MGAT4A: variants seen among roughly 807,000 people sequenced by gnomAD.
MGAT4A encodes the protein N-acetylglucosaminyltransferase IVa.
A neutral mutation model predicts 74.1 loss-of-function variants in MGAT4A; 33 were observed. That is an observed-to-expected ratio of 0.45 (90% CI 0.34 to 0.60). The LOEUF (loss-of-function observed/expected upper bound fraction) is 0.60, where lower values mean the gene tolerates loss of function less well. Ranked by LOEUF, MGAT4A falls within the 20% of genes least tolerant of loss-of-function variation. The probability of loss-of-function intolerance (pLI) is 0.02; values close to 1 mark genes in which losing one functional copy is unlikely to be tolerated. For synonymous variants in MGAT4A, 198 were observed against 210.4 expected (o/e 0.94, Z 0.51); for missense variants, 479 against 628.3 (o/e 0.76, Z 2.54).
Position 98,621,321 on chromosome 2 carries a change from T to G in MGAT4A, c.*4245A>C, listed in dbSNP as rs1701057428. 2 of 1,455,486 alleles carry G rather than the reference T, an allele frequency of 1.4e-6. No homozygotes were observed. Among genetic ancestry groups the G allele is most frequent in the South Asian group, 2.8e-5 (2 of 70,656 alleles). The allele number at this position is 1,455,486 out of a possible 1,614,324, so 90.2% of individuals were successfully genotyped here. ...CTATGAATGAGCTTATGGGCTGAAT[T>G]CAGTTCCCGTGGCTGTAGGACTGCA... On this transcript the variant is annotated 3_prime_UTR_variant, in exon 16 of 16. Coordinates refer to ENST00000393487, the MANE Select transcript of MGAT4A (RefSeq NM_012214.3).
intron 3 of MGAT4A, among the ~76,000 whole-genome samples, chr2:98,677,308 G>A (rs1369623304): frequency 6.6e-6 from 1 of 152,172 alleles, no homozygotes; most frequent in Admixed American, 6.5e-5. Flanking sequence ...TTTCTCCAGA[G>A]TCCATCTGAA....
At chr2:98,642,680 A>G (rs1433912671) in intron 10 of MGAT4A, among the ~76,000 whole-genome samples, 1 of 152,242 alleles carries the variant, frequency 6.6e-6, no homozygotes, top group Non-Finnish European at 1.5e-5. Context: ...GTGTCCTACA[A>G]TAAAAATTTC....
intron 1 of MGAT4A, among the ~76,000 whole-genome samples, chr2:98,727,040 G>A (rs1702774849): frequency 6.6e-6 from 1 of 152,118 alleles, no homozygotes; most frequent in African/African-American, 2.4e-5. Flanking sequence ...ACATGATTTG[G>A]GGCATGCCAC....
At position 98,623,752 on chromosome 2, in the gene MGAT4A, G is replaced by A. The variant is rs140558935; in HGVS notation, c.*1814C>T. 31 of 985,386 alleles carry A rather than the reference G, an allele frequency of 3.1e-5. No homozygotes were observed. In the African/African-American group the frequency reaches 5.2e-4, roughly 17 times the overall value. 61.0% of individuals were successfully genotyped at this position (985,386 alleles called of 1,614,324 possible). A position where few individuals can be genotyped will look rare whatever the true frequency, so the allele number is the denominator to read the frequency against. On this transcript the variant is annotated 3_prime_UTR_variant, in exon 16 of 16. Transcript: ENST00000393487. Reference sequence around the variant, plus strand: ...ATGGAAATAATTGTACTGTATCAGTGTTTCCAAACGTTTGCACTTTGTAAC... The same window carrying A: ...ATGGAAATAATTGTACTGTATCAGTATTTCCAAACGTTTGCACTTTGTAAC...
intron 2 of MGAT4A, among the ~76,000 whole-genome samples, chr2:98,709,576 G>C (rs1702487557): frequency 6.6e-6 from 1 of 152,166 alleles, no homozygotes; most frequent in Admixed American, 6.5e-5. Flanking sequence ...CCCAGTAGAA[G>C]GGAAAAACCT....
At chr2:98,721,629 C>A (rs190932910) in intron 2 of MGAT4A, among the ~76,000 whole-genome samples, 18 of 151,962 alleles carry the variant, frequency 1.2e-4, no homozygotes, top group Admixed American at 9.8e-4. Flanking sequence ...TACAACAATA[C>A]CCCCCAAAAG....
chr2:98,693,679 CAA>C (rs202080554), intron 2 of MGAT4A, among the ~76,000 whole-genome samples: 87 of 101,422 alleles, frequency 8.6e-4, no homozygotes, highest in Non-Finnish European at 7.8e-4. Context: ...GAGCTTCTCT[CAA>C]AAAAAAAAAA....
At chr2:98,632,948 T>C (rs1219420059) in intron 14 of MGAT4A, among the ~76,000 whole-genome samples, 3 of 152,154 alleles carry the variant, frequency 2.0e-5, no homozygotes, top group African/African-American at 7.2e-5. Context: ...TTACTAGAGA[T>C]AGGGTTTCAC....
Position 98,663,174 on chromosome 2 carries a change from T to C in MGAT4A, c.409A>G (p.Ile137Val), listed in dbSNP as rs746776796. ...QIGNGRTGVSIVMGIPTVKRE... is the reference protein window; with the variant it reads ...QIGNGRTGVSVVMGIPTVKRE... ...TTCACTGTGGGAATGCCCATGACTA[T>C]TGAAACTGGAAAAAAAAATAGTAAT... The change falls in exon 5 of 16, where the codon ATA (isoleucine) becomes GTA (valine). Residue 137 changes from isoleucine (I) to valine (V), a missense_variant. Coordinates refer to ENST00000393487, the MANE Select transcript of MGAT4A (RefSeq NM_012214.3). The C allele has an allele frequency of 4.4e-6, 7 of 1,574,836 alleles. No individual in the cohort carries two copies. The highest frequency in any genetic ancestry group is 4.5e-5 in the East Asian group (2 of 44,532).
intron 4 of MGAT4A, among the ~76,000 whole-genome samples, chr2:98,663,734 C>T (rs190146643): frequency 4.6e-5 from 7 of 152,214 alleles, no homozygotes; most frequent in East Asian, 3.9e-4. Flanking sequence ...TAAGGAACCA[C>T]GACAATTAAG....
intron 1 of MGAT4A, among the ~76,000 whole-genome samples, chr2:98,728,243 A>G (rs771691494): frequency 3.3e-5 from 5 of 152,126 alleles, no homozygotes; most frequent in Non-Finnish European, 5.9e-5. Flanking sequence ...ACAACCCTCC[A>G]CCAAACTATG....
chr2:98,626,191 G>T lies in MGAT4A; in HGVS notation c.1469-356C>A, dbSNP rs372332159. 6.0e-4 allele frequency among the ~76,000 whole-genome samples: 92 copies of T among 152,132 alleles called. 2 individuals carry two copies. Among genetic ancestry groups the T allele is most frequent in the African/African-American group, 2.1e-3 (87 of 41,486 alleles). On this transcript the variant is annotated intron_variant, in intron 14 of 15. Coordinates refer to ENST00000393487, the MANE Select transcript of MGAT4A (RefSeq NM_012214.3). ...ACCAAAATATAATCTGTACCATCAC[G>T]CAGTCTGATTGCTTTGAATGTTAAG...
At chr2:98,704,791 A>G (rs1702400123) in intron 2 of MGAT4A, among the ~76,000 whole-genome samples, 1 of 152,064 alleles carries the variant, frequency 6.6e-6, no homozygotes, top group Non-Finnish European at 1.5e-5. Flanking sequence ...AAAAAGTACT[A>G]TGCCAATAAA....
intron 2 of MGAT4A, among the ~76,000 whole-genome samples, chr2:98,701,965 G>A (rs1003961174): frequency 4.6e-5 from 7 of 152,290 alleles, no homozygotes; most frequent in Admixed American, 4.6e-4. Flanking sequence ...CCCAGGGGAT[G>A]TCTAACTTCT....
chr2:98,683,491 T>C (rs938773399), intron 2 of MGAT4A, among the ~76,000 whole-genome samples: 9 of 152,136 alleles, frequency 5.9e-5, no homozygotes, highest in African/African-American at 2.2e-4. Context: ...ATGTTCACAA[T>C]AGGTGAAATG....
chr2:98,662,290 C>T (rs1015285924), intron 5 of MGAT4A, among the ~76,000 whole-genome samples: 7 of 152,100 alleles, frequency 4.6e-5, no homozygotes, highest in Admixed American at 3.3e-4. Flanking sequence ...TATTTCAGAA[C>T]AAAAAGTCTT....
chr2:98,723,030 A>T (rs147444250), intron 2 of MGAT4A, among the ~76,000 whole-genome samples: 27 of 152,256 alleles, frequency 1.8e-4, no homozygotes, highest in African/African-American at 6.5e-4. Flanking sequence ...AATCTGCCTC[A>T]TTTTTATGTG....
In MGAT4A at chr2:98,624,224, G is replaced by C. The variant is rs1045843695; in HGVS notation, c.*1342C>G. On this transcript the variant is annotated 3_prime_UTR_variant, in exon 16 of 16. Coordinates refer to ENST00000393487, the MANE Select transcript of MGAT4A (RefSeq NM_012214.3). ...AGACAGGGTTTCACCGTGTTAGCCA[G>C]GATGGTCTTGATCTCCTGACCTCGT... The C allele has an allele frequency of 1.8e-6, 1 of 549,486 alleles. No homozygotes were observed. Among genetic ancestry groups the C allele is most frequent in the African/African-American group, 2.1e-5 (1 of 48,634 alleles). 34.0% of individuals were successfully genotyped at this position (549,486 alleles called of 1,614,324 possible).
At chr2:98,706,133 C>T (rs552858726) in intron 2 of MGAT4A, among the ~76,000 whole-genome samples, 1 of 152,076 alleles carries the variant, frequency 6.6e-6, no homozygotes, top group Admixed American at 6.5e-5. Flanking sequence ...TATGTAGGGA[C>T]AAAAAAGCTA....
Sources: gnomAD v4.1 joint callset for allele counts (sites outside exome capture counted in the v4.1 genomes callset) on GRCh38, gnomAD v4.1.1 for gene constraint, MANE v1.5 for transcripts, NCBI Gene and HGNC (gene_info 2026-07-23, HGNC 2026-07-21) for gene names.